KANK1: variants seen among roughly 807,000 people sequenced by gnomAD.
KANK1 encodes the protein KN motif and ankyrin repeat domain-containing protein 1.
KANK1 carries 109 observed loss-of-function variants against 106.2 expected under a neutral mutation model. The ratio of observed to expected loss-of-function variants is 1.03; its 90% CI spans 0.88 to 1.20. The LOEUF is 1.20. Ranked by LOEUF, KANK1 falls within the 50% of genes most tolerant of loss-of-function variation. KANK1 has a pLI of 0.00. For missense variants in KANK1, 2,399 were observed against 1,710.7 expected (o/e 1.40, Z -7.10); for synonymous variants, 873 against 652.2 (o/e 1.34, Z -5.16).
chr9:497,526 G>A (rs765340580), intron 3 of KANK1, among the ~76,000 whole-genome samples: 19 of 147,270 alleles, frequency 1.3e-4, no homozygotes, highest in Non-Finnish European at 2.4e-4. Flanking sequence ...AAATATTTGA[G>A]AAGGACAAAA....
intron 1 of KANK1, among the ~76,000 whole-genome samples, chr9:598,165 C>G (rs1342552471): frequency 1.3e-5 from 2 of 151,680 alleles, no homozygotes; most frequent in Non-Finnish European, 2.9e-5. Context: ...TGTTAAAAAT[C>G]TATTGGCCAT....
In KANK1 at chr9:626,903, G is replaced by A. The variant is rs191396791; in HGVS notation, c.-83-49987G>A. Among the ~76,000 whole-genome samples, 8 of 151,990 alleles carry A rather than the reference G, an allele frequency of 5.3e-5. No homozygotes were observed. In the East Asian group the frequency reaches 5.8e-4, roughly 11 times the overall value. On this transcript the variant is annotated intron_variant, in intron 1 of 11. Transcript: ENST00000382297. ...GTGTTAAACCAGATAGAAGACAGGC[G>A]GCTGCTATTGGTGTTTTACACTGGT...
chr9:611,588 G>C (rs572938577), intron 1 of KANK1, among the ~76,000 whole-genome samples: 66 of 152,192 alleles, frequency 4.3e-4, no homozygotes, highest in Non-Finnish European at 8.4e-4. Context: ...CATTAGATAG[G>C]AGTGTGTCTA....
chr9:519,278 G>A (rs1229164380), intron 1 of KANK1, among the ~76,000 whole-genome samples: 1 of 151,766 alleles, frequency 6.6e-6, no homozygotes, highest in African/African-American at 2.4e-5. Context: ...AGATCTGTCA[G>A]CCTTAACTTA....
Position 713,024 on chromosome 9 carries a change from C to T in KANK1, c.2258C>T (p.Ala753Val). Residue 753 changes from alanine to valine, a missense_variant, in exon 3 of 12, where the codon GCT (alanine) becomes GTT (valine). Transcript: ENST00000382297. ...CATTCTGGGTTTGACAGGCCATCAG[C>T]TGTGAAGACCAAAGAGTCAGGTGTG... ...SGHSGFDRPS[A>V]VKTKESGVGQ... The T allele has an allele frequency of 6.2e-7, 1 of 1,614,170 alleles. No homozygotes were observed. The highest frequency in any genetic ancestry group is 8.5e-7 in the Non-Finnish European group (1 of 1,180,030).
chr9:645,132 A>AC (rs978998291), intron 1 of KANK1, among the ~76,000 whole-genome samples: 1 of 146,036 alleles, frequency 6.8e-6, no homozygotes, highest in Non-Finnish European at 1.5e-5. Flanking sequence ...TCTACAAAAA[A>AC]AAAAAAAAAA....
At chr9:742,060 C>A in intron 9 of KANK1, 145 bp from the exon 10 acceptor site, 1 of 701,412 alleles carries the variant, frequency 1.4e-6, no homozygotes, top group African/African-American at 1.8e-5. Context: ...TCCCTGCTTG[C>A]CACCACCTGC....
rs138072117 is a variant in KANK1, at chr9:618,821, A to G, written c.-83-58069A>G. ...TGAACAGGCGGTGTTTTCTCCTCTC[A>G]TCGCTGACATTTAATACCTGTCTTG... On this transcript the variant is annotated intron_variant, in intron 1 of 11. Transcript: ENST00000382297. 3.9e-3 allele frequency among the ~76,000 whole-genome samples: 592 copies of G among 152,232 alleles called. 6 individuals are homozygous for G. The highest frequency in any genetic ancestry group is 0.012 in the African/African-American group (513 of 41,526).
intron 1 of KANK1, among the ~76,000 whole-genome samples, chr9:627,408 C>G (rs1338219651): frequency 6.7e-6 from 1 of 150,180 alleles, no homozygotes; most frequent in East Asian, 1.9e-4. Flanking sequence ...AGCTTCTGCC[C>G]CCTCCCACTG....
chr9:607,131 T>G (rs1829402838), intron 1 of KANK1, among the ~76,000 whole-genome samples: 1 of 151,802 alleles, frequency 6.6e-6, no homozygotes, highest in African/African-American at 2.4e-5. Flanking sequence ...TTCCTTTGCA[T>G]GCTTGTTAGG....
At chr9:676,850 T>A in intron 1 of KANK1, 40 bp from the exon 2 acceptor site, 2 of 733,310 alleles carry the variant, frequency 2.7e-6, no homozygotes, top group Non-Finnish European at 4.8e-6. Context: ...GTACATTTTT[T>A]AAATGATCCA....
chr9:529,229 A>G (rs2059944368), intron 1 of KANK1, among the ~76,000 whole-genome samples: 1 of 142,210 alleles, frequency 7.0e-6, no homozygotes, highest in African/African-American at 2.7e-5. Context: ...TAATATATAT[A>G]TATATACACA....
At chr9:648,293 C>T (rs922988470) in intron 1 of KANK1, among the ~76,000 whole-genome samples, 3 of 152,054 alleles carry the variant, frequency 2.0e-5, no homozygotes, top group Non-Finnish European at 2.9e-5. Context: ...TGAGCCACCA[C>T]GCCTGGCCAG....
chr9:495,786 A>G (rs1474491185), intron 3 of KANK1, among the ~76,000 whole-genome samples: 1 of 152,118 alleles, frequency 6.6e-6, no homozygotes, highest in Non-Finnish European at 1.5e-5. Context: ...CTCCCATTAA[A>G]GTTTGTCTGA....
intron 1 of KANK1, among the ~76,000 whole-genome samples, chr9:638,737 T>TCCA (rs1258481181): frequency 2.0e-5 from 3 of 152,198 alleles, no homozygotes; most frequent in Non-Finnish European, 4.4e-5. Flanking sequence ...GGCACTTGGT[T>TCCA]CCTTCTAATT....
At chr9:489,297 C>G (rs1473981087) in intron 3 of KANK1, among the ~76,000 whole-genome samples, 3 of 152,056 alleles carry the variant, frequency 2.0e-5, no homozygotes, top group East Asian at 3.8e-4. Context: ...GCCAAGTGCT[C>G]CTGGCTAATT....
intron 1 of KANK1, among the ~76,000 whole-genome samples, chr9:587,350 A>C (rs1823752731): frequency 6.6e-6 from 1 of 152,170 alleles, no homozygotes. Context: ...AATAAAAGTG[A>C]ATTGTATTAC....
At chr9:668,300 A>G (rs1845122506) in intron 1 of KANK1, among the ~76,000 whole-genome samples, 1 of 152,122 alleles carries the variant, frequency 6.6e-6, no homozygotes, top group Non-Finnish European at 1.5e-5. Flanking sequence ...TGATCTGTTC[A>G]TTGGTGAAAA....
intron 6 of KANK1, chr9:733,550 C>G (rs1223228832): frequency 6.6e-6 from 1 of 152,180 alleles, no homozygotes; most frequent in Non-Finnish European, 1.5e-5. Context: ...TGTGGAAAGT[C>G]AAGGCAAGAG....
Sources: allele counts gnomAD v4.1 joint callset (sites outside exome capture counted in the v4.1 genomes callset), GRCh38; gene constraint gnomAD v4.1.1; transcripts MANE v1.5; gene names NCBI Gene and HGNC (gene_info 2026-07-23, HGNC 2026-07-21).